SETD3: variants seen among roughly 807,000 people sequenced by gnomAD.
SETD3 encodes the protein actin-histidine N-methyltransferase.
A neutral mutation model predicts 63.0 loss-of-function variants in SETD3; 19 were observed. The ratio of observed to expected loss-of-function variants is 0.30; its 90% CI spans 0.21 to 0.44. SETD3 has a LOEUF of 0.44. Among genes scored for constraint, SETD3 ranks in the 20% least tolerant of loss-of-function variants. The pLI is 1.00. For synonymous variants in SETD3, 286 were observed against 264.1 expected (o/e 1.08, Z -0.80); for missense variants, 587 against 728.5 (o/e 0.81, Z 2.24).
rs1891192328 is a variant in SETD3, at chr14:99,398,182, A to T, written c.*497T>A. Reference sequence around the variant, plus strand: ...TGGGGTGTTATTTTTTTTAAGAGAAAAAACCAAACATTTTGCCCAGACTCT... The same window carrying T: ...TGGGGTGTTATTTTTTTTAAGAGAATAAACCAAACATTTTGCCCAGACTCT... On this transcript the variant is annotated 3_prime_UTR_variant, in exon 13 of 13. Coordinates refer to ENST00000331768, the MANE Select transcript of SETD3 (RefSeq NM_032233.3). 3.3e-5 allele frequency: 5 copies of T among 152,454 alleles called. No homozygotes were observed. The South Asian group carries it at 1.0e-3, about 32-fold the overall frequency. The allele number at this position is 152,454 out of a possible 1,614,324, so 9.4% of individuals were successfully genotyped here. A position where few individuals can be genotyped will look rare whatever the true frequency, so the allele number is the denominator to read the frequency against.
Position 99,480,831 on chromosome 14 carries a change from G to GCGC in SETD3, c.-113_-112insGCG, listed in dbSNP as rs1405967139. Reference sequence around the variant, plus strand: ...GGTGGCGGCGGTGGCGGCGGCGGCGGCCGGACGGGAGGGGCGGGACGGCAG... The same window carrying GCGC: ...GGTGGCGGCGGTGGCGGCGGCGGCGGCGCCCGGACGGGAGGGGCGGGACGGCAG... On this transcript the variant is annotated 5_prime_UTR_variant, in exon 1 of 13. Coordinates refer to ENST00000331768, the MANE Select transcript of SETD3 (RefSeq NM_032233.3). The GCGC allele has an allele frequency of 1.0e-4, 17 of 162,308 alleles. 1 individual carries two copies. In the South Asian group the frequency reaches 2.9e-3, roughly 28 times the overall value. The allele number at this position is 162,308 out of a possible 1,614,324, so 10.1% of individuals were successfully genotyped here. A position where few individuals can be genotyped will look rare whatever the true frequency, so the allele number is the denominator to read the frequency against.
chr14:99,417,954 A>G (rs867101707), intron 6 of SETD3, among the ~76,000 whole-genome samples: 1 of 152,210 alleles, frequency 6.6e-6, no homozygotes, highest in Non-Finnish European at 1.5e-5. Context: ...AACATTTCCC[A>G]AAATCAGATA....
intron 6 of SETD3, among the ~76,000 whole-genome samples, chr14:99,426,537 C>T (rs187943038): frequency 4.1e-4 from 63 of 152,250 alleles, no homozygotes; most frequent in African/African-American, 1.4e-3. Flanking sequence ...GGAAGGGGAC[C>T]CAGCAGAGAG....
rs186422012 is a variant in SETD3 at position 99,436,876 on chromosome 14, T to C, written c.675+21403A>G. 2.6e-5 allele frequency among the ~76,000 whole-genome samples: 4 copies of C among 152,282 alleles called. No individual in the cohort carries two copies. In the East Asian group the frequency reaches 7.7e-4, roughly 29 times the overall value. On this transcript the variant is annotated intron_variant, in intron 6 of 12. Transcript: ENST00000331768. The stretch of plus-strand genomic sequence containing the variant: ...CATTTTAGCAAGATTCCTGAGCACC[T>C]CCCTCCACTGCTTAAAACATTTCCA...
chr14:99,478,999 C>G (rs1477471950), intron 1 of SETD3, among the ~76,000 whole-genome samples: 2 of 152,234 alleles, frequency 1.3e-5, no homozygotes, highest in Non-Finnish European at 2.9e-5. Context: ...TTCTTACTGA[C>G]AGTCACTGTG....
At chr14:99,406,236 GTTACAAATAT>G (rs1426435997) in intron 9 of SETD3, among the ~76,000 whole-genome samples, 1 of 152,132 alleles carries the variant, frequency 6.6e-6, no homozygotes, top group African/African-American at 2.4e-5. Flanking sequence ...AGTTAAGAGT[GTTACAAATAT>G]TTACAAATAT....
rs530701052 is a variant in SETD3, at chr14:99,461,542, CCT to C, written c.197-204_197-203del. ...GAAGAAGAATTAAAATCCTAAACTCCCTGTCAGTTACAGTGAAATATATACTG... is the reference window on the plus strand; with the variant it reads ...GAAGAAGAATTAAAATCCTAAACTCCGTCAGTTACAGTGAAATATATACTG... On this transcript the variant is annotated intron_variant, in intron 3 of 12. Coordinates refer to ENST00000331768, the MANE Select transcript of SETD3 (RefSeq NM_032233.3). 1.1e-4 allele frequency among the ~76,000 whole-genome samples: 16 copies of C among 152,242 alleles called. No homozygotes were observed. The East Asian group carries it at 3.1e-3, about 29-fold the overall frequency.
chr14:99,426,242 G>GC (rs1193660481), intron 6 of SETD3, among the ~76,000 whole-genome samples: 1 of 152,222 alleles, frequency 6.6e-6, no homozygotes, highest in Non-Finnish European at 1.5e-5. Flanking sequence ...ATACCACGTA[G>GC]CACTCTGGTT....
At chr14:99,448,159 C>T (rs1412489253) in intron 6 of SETD3, among the ~76,000 whole-genome samples, 1 of 152,156 alleles carries the variant, frequency 6.6e-6, no homozygotes, top group Non-Finnish European at 1.5e-5. Flanking sequence ...GTTCCAAGTG[C>T]AGGTACCATA....
At chr14:99,446,086 C>T (rs1425515484) in intron 6 of SETD3, among the ~76,000 whole-genome samples, 1 of 152,276 alleles carries the variant, frequency 6.6e-6, no homozygotes, top group African/African-American at 2.4e-5. Context: ...TCTCAGCTTC[C>T]GCCTTGACTG....
chr14:99,411,197 C>G (rs944865608), intron 8 of SETD3: 1 of 152,192 alleles, frequency 6.6e-6, no homozygotes, highest in African/African-American at 2.4e-5. Flanking sequence ...CTGAATAAAC[C>G]TTCTACAGGT....
chr14:99,424,042 A>G (rs531631204), intron 6 of SETD3, among the ~76,000 whole-genome samples: 9 of 152,266 alleles, frequency 5.9e-5, no homozygotes, highest in East Asian at 5.8e-4. Context: ...TCTGGAAACA[A>G]ATTTTCAATG....
chr14:99,465,966 T>C (rs1222153439), intron 1 of SETD3, among the ~76,000 whole-genome samples, 153 bp from the exon 2 acceptor site: 1 of 152,200 alleles, frequency 6.6e-6, no homozygotes, highest in Non-Finnish European at 1.5e-5. Context: ...AAATGTGTAG[T>C]ATTAGTATCT....
At chr14:99,446,937 A>G (rs1017444837) in intron 6 of SETD3, among the ~76,000 whole-genome samples, 4 of 151,554 alleles carry the variant, frequency 2.6e-5, no homozygotes, top group African/African-American at 9.7e-5. Context: ...AGAAGACCCC[A>G]GACAGAGCCC....
At chr14:99,410,270 G>GCAC in intron 8 of SETD3, 1 of 1,612,006 alleles carries the variant, frequency 6.2e-7, no homozygotes, top group East Asian at 2.2e-5. Flanking sequence ...CGGAGGGTGT[G>GCAC]GGGGGACAGG....
chr14:99,479,356 G>A (rs539695278), intron 1 of SETD3, among the ~76,000 whole-genome samples: 1 of 152,288 alleles, frequency 6.6e-6, no homozygotes, highest in Admixed American at 6.5e-5. Flanking sequence ...ATCAATCACG[G>A]CAGCCCTTGG....
chr14:99,473,670 T>G (rs1048157072), intron 1 of SETD3, among the ~76,000 whole-genome samples: 1 of 151,922 alleles, frequency 6.6e-6, no homozygotes, highest in Non-Finnish European at 1.5e-5. Flanking sequence ...CTCGAGAGAG[T>G]GTGAGGGCCT....
At chr14:99,429,420 G>A (rs1167637529) in intron 6 of SETD3, among the ~76,000 whole-genome samples, 3 of 152,096 alleles carry the variant, frequency 2.0e-5, no homozygotes. Flanking sequence ...TGAGACGCAG[G>A]GGAAACTCTG....
At chr14:99,447,175 G>C (rs1335474145) in intron 6 of SETD3, among the ~76,000 whole-genome samples, 1 of 152,082 alleles carries the variant, frequency 6.6e-6, no homozygotes. Context: ...GTTTCACCAT[G>C]CTGGCCAGGC....
Sources: allele counts gnomAD v4.1 joint callset (sites outside exome capture counted in the v4.1 genomes callset), GRCh38; gene constraint gnomAD v4.1.1; transcripts MANE v1.5; gene names NCBI Gene and HGNC (gene_info 2026-07-23, HGNC 2026-07-21).